The following CDK14 variants were observed in gnomAD, a reference collection of about 807,000 sequenced individuals.
The protein encoded by CDK14 is cyclin-dependent kinase 14.
CDK14 carries 34 observed loss-of-function variants against 60.7 expected under a neutral mutation model. That is an observed-to-expected ratio of 0.56 (90% CI 0.43 to 0.75). The LOEUF (loss-of-function observed/expected upper bound fraction) is 0.75, where lower values mean the gene tolerates loss of function less well. Among genes scored for constraint, CDK14 ranks in the 30% least tolerant of loss-of-function variants. The pLI is 0.00. For missense variants in CDK14, 482 were observed against 564.1 expected (o/e 0.85, Z 1.47); for synonymous variants, 197 against 203.7 (o/e 0.97, Z 0.28).
At chr7:90,777,002 G>A (rs1805076165) in intron 4 of CDK14, among the ~76,000 whole-genome samples, 1 of 137,666 alleles carries the variant, frequency 7.3e-6, no homozygotes, top group South Asian at 2.4e-4. Context: ...GCAAAATAGT[G>A]ACACGAAGTT....
intron 12 of CDK14, among the ~76,000 whole-genome samples, chr7:91,099,911 G>C (rs557873982): frequency 6.6e-6 from 1 of 152,070 alleles, no homozygotes; most frequent in Admixed American, 6.5e-5. Context: ...AGACTTTTAA[G>C]TATTCTGCAA....
chr7:90,883,753 C>T (rs922616670), intron 6 of CDK14, among the ~76,000 whole-genome samples: 2 of 152,220 alleles, frequency 1.3e-5, no homozygotes, highest in African/African-American at 4.8e-5. Flanking sequence ...ATCAAGTTGG[C>T]TTCATCCCTG....
chr7:91,199,623 A>G (rs1422996907), intron 14 of CDK14, among the ~76,000 whole-genome samples: 1 of 152,250 alleles, frequency 6.6e-6, no homozygotes, highest in Non-Finnish European at 1.5e-5. Flanking sequence ...AATGGTGATT[A>G]TTAAAATGAT....
intron 11 of CDK14, among the ~76,000 whole-genome samples, chr7:91,066,470 C>G (rs189493562): frequency 2.0e-5 from 3 of 152,238 alleles, no homozygotes; most frequent in East Asian, 1.9e-4. Flanking sequence ...ACTTTTTATT[C>G]ATGTCTTTCT....
At chr7:90,953,623 A>G (rs1198310920) in intron 8 of CDK14, among the ~76,000 whole-genome samples, 1 of 152,096 alleles carries the variant, frequency 6.6e-6, no homozygotes, top group African/African-American at 2.4e-5. Context: ...CAGTTTTTTT[A>G]TAACTAGCCT....
chr7:91,136,417 T>G (rs1800279810), intron 14 of CDK14, among the ~76,000 whole-genome samples: 1 of 152,164 alleles, frequency 6.6e-6, no homozygotes. Flanking sequence ...CTCTACAGTT[T>G]AGGAAAGTAT....
chr7:90,623,704 T>A lies in CDK14; in HGVS notation c.123+19455T>A, dbSNP rs568098677. On this transcript the variant is annotated intron_variant, in intron 2 of 14. Transcript: ENST00000380050. ...CAATTAACTTTCCCCTTGAGCATCC[T>A]GAGCCATCCCTCAGAGGTTTGATTA... Among the ~76,000 whole-genome samples the A allele has an allele frequency of 3.3e-5, 5 of 152,340 alleles. No individual in the cohort carries two copies. In the East Asian group the frequency reaches 9.6e-4, roughly 29 times the overall value.
intron 2 of CDK14, among the ~76,000 whole-genome samples, chr7:90,717,833 A>T (rs1802305213): frequency 6.6e-6 from 1 of 152,030 alleles, no homozygotes; most frequent in Non-Finnish European, 1.5e-5. Context: ...CTTTGGGAAC[A>T]CTAAAGAAAT....
intron 12 of CDK14, among the ~76,000 whole-genome samples, chr7:91,109,310 G>C (rs990230403): frequency 2.6e-5 from 4 of 152,242 alleles, no homozygotes; most frequent in African/African-American, 4.8e-5. Context: ...TACTTACACT[G>C]TCTGGACTGT....
chr7:90,638,547 T>C (rs150399250), intron 2 of CDK14, among the ~76,000 whole-genome samples: 46,995 of 152,010 alleles, frequency 0.31, 8,172 homozygotes, highest in East Asian at 0.67. Context: ...GACCTTTGTC[T>C]CTGGCTGCCC....
At chr7:90,806,967 A>T (rs2374364) in intron 5 of CDK14, among the ~76,000 whole-genome samples, 1 of 152,140 alleles carries the variant, frequency 6.6e-6, no homozygotes, top group Non-Finnish European at 1.5e-5. Flanking sequence ...CAAAGTGGCC[A>T]GGAAGCTCAA....
chr7:90,870,395 A>G (rs1791333786), intron 6 of CDK14, among the ~76,000 whole-genome samples: 2 of 152,174 alleles, frequency 1.3e-5, no homozygotes, highest in Non-Finnish European at 2.9e-5. Flanking sequence ...AATGGATACT[A>G]GGCTTAACAC....
intron 14 of CDK14, among the ~76,000 whole-genome samples, chr7:91,196,248 C>T (rs1802537028): frequency 6.6e-6 from 1 of 152,030 alleles, no homozygotes; most frequent in Admixed American, 6.6e-5. Flanking sequence ...TATATCCTGT[C>T]GTGTAGATAC....
intron 5 of CDK14, among the ~76,000 whole-genome samples, chr7:90,856,040 A>G (rs906066426): frequency 6.6e-6 from 1 of 152,224 alleles, no homozygotes; most frequent in South Asian, 2.1e-4. Flanking sequence ...CCCATCTCCA[A>G]ACTGAAAAAC....
Position 91,209,944 on chromosome 7 carries a change from C to G in CDK14, c.*2808C>G, listed in dbSNP as rs1232642632. ...AAGTGAGGCCTCTTGGTATCCTTTC[C>G]TCAGTGTGTATATGACAGCCAGTAT... is the stretch of plus-strand genomic sequence containing the variant. On this transcript the variant is annotated 3_prime_UTR_variant, in exon 15 of 15. Transcript: ENST00000380050. 2 of 152,544 alleles carry G rather than the reference C, an allele frequency of 1.3e-5. No individual in the cohort carries two copies. The highest frequency in any genetic ancestry group is 6.5e-5 in the Admixed American group (1 of 15,280). The allele number at this position is 152,544 out of a possible 1,614,324, so 9.4% of individuals were successfully genotyped here. A position where few individuals can be genotyped will look rare whatever the true frequency, so the allele number is the denominator to read the frequency against.
chr7:91,189,525 T>G (rs776305813), intron 14 of CDK14, among the ~76,000 whole-genome samples: 1 of 152,200 alleles, frequency 6.6e-6, no homozygotes, highest in Non-Finnish European at 1.5e-5. Flanking sequence ...AAGAATGTTA[T>G]TACTTGAATT....
chr7:90,664,799 G>A (rs1800939343), intron 2 of CDK14, among the ~76,000 whole-genome samples: 1 of 151,418 alleles, frequency 6.6e-6, no homozygotes, highest in Admixed American at 6.6e-5. Flanking sequence ...TGGGGTGGGG[G>A]GAAGGGGGAG....
intron 14 of CDK14, among the ~76,000 whole-genome samples, chr7:91,204,410 G>GA (rs36085776): frequency 5.3e-5 from 8 of 150,000 alleles, no homozygotes; most frequent in Non-Finnish European, 7.4e-5. Context: ...AGCAACAAAA[G>GA]AAAAAAAAAG....
chr7:91,098,792 G>A (rs1029199700), intron 12 of CDK14, among the ~76,000 whole-genome samples: 6 of 152,098 alleles, frequency 3.9e-5, no homozygotes, highest in African/African-American at 1.2e-4. Flanking sequence ...TTTAAAAAGC[G>A]TGACAGCAAG....
Sources: allele counts gnomAD v4.1 joint callset (sites outside exome capture counted in the v4.1 genomes callset), GRCh38; gene constraint gnomAD v4.1.1; transcripts MANE v1.5; gene names NCBI Gene and HGNC (gene_info 2026-07-23, HGNC 2026-07-21).